The following BTBD8 variants were observed in gnomAD, a reference collection of about 807,000 sequenced individuals.
The protein encoded by BTBD8 is BTB/POZ domain-containing protein 8.
BTBD8 carries 110 observed loss-of-function variants against 162.9 expected under a neutral mutation model. That is an observed-to-expected ratio of 0.68 (90% confidence interval 0.58 to 0.79). The LOEUF is 0.79. Among genes scored for constraint, BTBD8 ranks in the 30% least tolerant of loss-of-function variants. The pLI is 0.00. For missense variants in BTBD8, 1,905 were observed against 2,085.4 expected (o/e 0.91, Z 1.68); for synonymous variants, 667 against 716.1 (o/e 0.93, Z 1.10).
chr1:92,177,252 C>A lies in BTBD8; in HGVS notation c.2059C>A (p.Gln687Lys), dbSNP rs1173856693. ...NGKGVRNQEGQISGARPKVLT... is the reference protein window; with the variant it reads ...NGKGVRNQEGKISGARPKVLT... ...AAAAGGAGTGAGAAATCAGGAAGGG[C>A]AAATTTCAGGTGCCAGACCCAAGGT... is the stretch of plus-strand genomic sequence containing the variant. Residue 687 changes from glutamine (Q) to lysine (K), a missense_variant, in exon 14 of 18, where the codon CAA (glutamine) becomes AAA (lysine). Physicochemically the swap from Gln to Lys is moderately conservative, Grantham distance 53 (BLOSUM62 1). This residue lies in a region of BTBD8 where 1,374 missense variants were observed against 1,442.7 expected (regional missense o/e 0.95). Transcript: ENST00000636805. 6.4e-7 allele frequency: 1 copy of A among 1,552,032 alleles called. No homozygotes were observed. The highest frequency in any genetic ancestry group is 8.7e-7 in the Non-Finnish European group (1 of 1,147,074).
rs3738439 is a variant in BTBD8, at chr1:92,181,308, A to C, written c.3625A>C (p.Lys1209Gln). The C allele has an allele frequency of 6.4e-7, 1 of 1,551,500 alleles. No homozygotes were observed. The highest frequency in any genetic ancestry group is 1.2e-5 in the South Asian group (1 of 84,040). The change falls in exon 17 of 18, where the codon AAA becomes CAA. Residue 1209 changes from lysine (K) to glutamine (Q), a missense_variant. Physicochemically the swap from Lys to Gln is moderately conservative, Grantham distance 53. Around this residue, in one of 3 missense-constraint regions of BTBD8, gnomAD observed 1,374 missense variants for 1,442.7 expected, o/e 0.95. Coordinates refer to ENST00000636805, the MANE Select transcript of BTBD8 (RefSeq NM_001376131.1). Reference protein sequence around the residue: ...SKCFSGQLSEKNSPKNMETSE... With the variant: ...SKCFSGQLSEQNSPKNMETSE... ...GTGTTTTTCGGGACAGCTATCAGAAAAAAATTCTCCTAAAAATATGGAAAC... is the reference window on the plus strand; with the variant it reads ...GTGTTTTTCGGGACAGCTATCAGAACAAAATTCTCCTAAAAATATGGAAAC...
intron 2 of BTBD8, among the ~76,000 whole-genome samples, chr1:92,098,160 C>A (rs566656449): frequency 6.6e-6 from 1 of 152,104 alleles, no homozygotes; most frequent in African/African-American, 2.4e-5. Context: ...AGTGAGCCAC[C>A]TTTACATTTA....
chr1:92,141,056 A>T lies in BTBD8; in HGVS notation c.834-59A>T, dbSNP rs377738595. ...GACTATATATTATCAATAAATTAGTATGTGTTGTGCCTTGATTTTTAAATT... is the reference window on the plus strand; with the variant it reads ...GACTATATATTATCAATAAATTAGTTTGTGTTGTGCCTTGATTTTTAAATT... On this transcript the variant is annotated intron_variant, in intron 6 of 17. Transcript: ENST00000636805. The T allele has an allele frequency of 2.1e-6, 3 of 1,407,512 alleles. No individual in the cohort carries two copies. In the African/African-American group the frequency reaches 4.4e-5, roughly 21 times the overall value. The allele number at this position is 1,407,512 out of a possible 1,614,324, so 87.2% of individuals were successfully genotyped here.
chr1:92,127,463 A>G (rs1030549657), intron 4 of BTBD8, among the ~76,000 whole-genome samples: 1 of 152,100 alleles, frequency 6.6e-6, no homozygotes, highest in Admixed American at 6.5e-5. Flanking sequence ...TGGAGGTGAT[A>G]TTGCTAAAGG....
At chr1:92,164,863 A>C (rs775160632) in intron 9 of BTBD8, among the ~76,000 whole-genome samples, 6 of 151,976 alleles carry the variant, frequency 3.9e-5, no homozygotes, top group Non-Finnish European at 8.8e-5. Context: ...CGTGTTGACC[A>C]GGATGGTCTC....
chr1:92,126,603 C>T (rs979878676), intron 4 of BTBD8: 10 of 375,332 alleles, frequency 2.7e-5, no homozygotes, highest in Non-Finnish European at 4.1e-5. Context: ...AAAAGTTGCA[C>T]TTATTGTACG....
Position 92,162,209 on chromosome 1 carries a change from A to G in BTBD8, c.1123-4749A>G, listed in dbSNP as rs114990031. On this transcript the variant is annotated intron_variant, in intron 9 of 17. Coordinates refer to ENST00000636805, the MANE Select transcript of BTBD8 (RefSeq NM_001376131.1). Reference sequence around the variant, plus strand: ...AGCTGCACATGGATGTGATTCTGACAGCACTTTCCCTCAGCCACATCACAT... The same window carrying G: ...AGCTGCACATGGATGTGATTCTGACGGCACTTTCCCTCAGCCACATCACAT... Among the ~76,000 whole-genome samples, 266 of 152,362 alleles carry G rather than the reference A, an allele frequency of 1.7e-3. 3 individuals carry two copies. Among genetic ancestry groups the G allele is most frequent in the African/African-American group, 5.8e-3 (243 of 41,592 alleles).
rs1033218641 is a variant in BTBD8, at chr1:92,129,533, A to C, written c.663-154A>C. ...AACCCTTAGGTATAAATATAAGCTT[A>C]TAAGTTTTATTATGTAGTAATCCTG... On this transcript the variant is annotated intron_variant, in intron 4 of 17. Coordinates refer to ENST00000636805, the MANE Select transcript of BTBD8 (RefSeq NM_001376131.1). Among the ~76,000 whole-genome samples, 3 of 152,168 alleles carry C rather than the reference A, an allele frequency of 2.0e-5. No individual in the cohort carries two copies. In the East Asian group the frequency reaches 5.8e-4, roughly 29 times the overall value.
rs561039710 is a variant in BTBD8 at position 92,138,515 on chromosome 1, G to A, written c.753-835G>A. 8.5e-5 allele frequency among the ~76,000 whole-genome samples: 13 copies of A among 152,332 alleles called. 1 individual carries two copies. In the South Asian group the frequency reaches 2.7e-3, roughly 32 times the overall value. On this transcript the variant is annotated intron_variant, in intron 5 of 17. Transcript: ENST00000636805. Reference sequence around the variant, plus strand: ...TCCCTCTAAAACAGCTCACCTGAGAGAAAGTTTGAATCTGCATGGCAGATA... The same window carrying A: ...TCCCTCTAAAACAGCTCACCTGAGAAAAAGTTTGAATCTGCATGGCAGATA...
intron 1 of BTBD8, among the ~76,000 whole-genome samples, chr1:92,081,088 A>C (rs1283457623): frequency 6.6e-6 from 1 of 152,216 alleles, no homozygotes; most frequent in Non-Finnish European, 1.5e-5. Context: ...AGCTTATACT[A>C]TTTTAAGAAA....
rs1649365708 is a variant in BTBD8, at chr1:92,126,539, A to G, written c.663-3148A>G. 4 of 516,494 alleles carry G rather than the reference A, an allele frequency of 7.7e-6. No individual in the cohort carries two copies. The Admixed American group carries it at 8.9e-5, about 11-fold the overall frequency. The allele number at this position is 516,494 out of a possible 1,614,324, so 32.0% of individuals were successfully genotyped here. A position where few individuals can be genotyped will look rare whatever the true frequency, so the allele number is the denominator to read the frequency against. On this transcript the variant is annotated intron_variant, in intron 4 of 17. Transcript: ENST00000636805. ...TCATGCAGACCGCTTTATTTTCGCT[A>G]TTTGCAGTGCCAAATGGACACTGGC...
rs150151161 is a variant in BTBD8 at position 92,100,937 on chromosome 1, T to A, written c.348-1536T>A. Reference sequence around the variant, plus strand: ...ATTATTATTTTTTGTTTTTATTTATTTCCATAGGTTTGTGGGGGAACAGGT... The same window carrying A: ...ATTATTATTTTTTGTTTTTATTTATATCCATAGGTTTGTGGGGGAACAGGT... On this transcript the variant is annotated intron_variant, in intron 2 of 17. Transcript: ENST00000636805. Among the ~76,000 whole-genome samples the A allele has an allele frequency of 5.8e-3, 884 of 152,264 alleles. 26 individuals are homozygous for A. The highest frequency in any genetic ancestry group is 0.045 in the Admixed American group (692 of 15,286).
chr1:92,081,720 C>T (rs1487584335), intron 1 of BTBD8, among the ~76,000 whole-genome samples: 1 of 152,104 alleles, frequency 6.6e-6, no homozygotes, highest in East Asian at 1.9e-4. Context: ...ATTACAGGCA[C>T]GCGCCACCAC....
intron 4 of BTBD8, among the ~76,000 whole-genome samples, chr1:92,120,051 C>A (rs1050961580): frequency 2.0e-5 from 3 of 151,782 alleles, no homozygotes; most frequent in Admixed American, 2.0e-4. Context: ...CAGGCATGCA[C>A]CACCACGCCC....
rs188991584 is a variant in BTBD8, at chr1:92,176,007, C to T, written c.1636-822C>T. 4.1e-4 allele frequency among the ~76,000 whole-genome samples: 62 copies of T among 152,140 alleles called. No individual in the cohort carries two copies. The East Asian group carries it at 0.011, about 27-fold the overall frequency. ...GCTATTTTTAGGATCCCTTTTCCTTCGCTTCCTATAGCCAGCCAGTGCTAT... is the reference window on the plus strand; with the variant it reads ...GCTATTTTTAGGATCCCTTTTCCTTTGCTTCCTATAGCCAGCCAGTGCTAT... On this transcript the variant is annotated intron_variant, in intron 13 of 17. Coordinates refer to ENST00000636805, the MANE Select transcript of BTBD8 (RefSeq NM_001376131.1).
intron 13 of BTBD8, among the ~76,000 whole-genome samples, chr1:92,176,182 T>C (rs1238626072): frequency 1.3e-5 from 2 of 152,218 alleles, no homozygotes; most frequent in African/African-American, 4.8e-5. Flanking sequence ...TCTTTAATGA[T>C]AAAATTTCTG....
intron 13 of BTBD8, among the ~76,000 whole-genome samples, chr1:92,175,155 G>C (rs1158471310): frequency 1.3e-5 from 2 of 150,804 alleles, no homozygotes; most frequent in African/African-American, 4.9e-5. Flanking sequence ...AGCTTCCAAA[G>C]GAAAAAAAAA....
chr1:92,139,671 G>A (rs1649720920), intron 6 of BTBD8: 5 of 728,640 alleles, frequency 6.9e-6, no homozygotes, highest in Middle Eastern at 1.1e-3. Context: ...AAATTTAGAA[G>A]AAGCTATAAA....
chr1:92,120,555 T>A (rs1649182829), intron 4 of BTBD8, among the ~76,000 whole-genome samples: 1 of 152,220 alleles, frequency 6.6e-6, no homozygotes, highest in African/African-American at 2.4e-5. Flanking sequence ...TGTACATAAT[T>A]GTATATGCTA....
Sources: gnomAD v4.1 joint callset for allele counts (sites outside exome capture counted in the v4.1 genomes callset) on GRCh38, gnomAD v4.1.1 for gene constraint, gnomAD v4.1.1 regional missense constraint, MANE v1.5 for transcripts, NCBI Gene and HGNC (gene_info 2026-07-23, HGNC 2026-07-21) for gene names.